Variants in SPTA1 observed in about 807,000 individuals in gnomAD.
The protein encoded by SPTA1 is spectrin alpha, erythrocytic 1, also known as spectrin alpha chain, erythrocytic 1.
In SPTA1, 177 loss-of-function variants were observed where a neutral mutation model predicts 324.7. The observed-to-expected ratio is 0.55, with a 90% CI of 0.48 to 0.62. The LOEUF is 0.62. Ranked by LOEUF, SPTA1 falls within the 20% of genes least tolerant of loss-of-function variation. The pLI, the probability that SPTA1 is intolerant of heterozygous loss-of-function variation, is 0.00. For synonymous variants in SPTA1, 1,195 were observed against 1,041.3 expected, an observed-to-expected ratio of 1.15 and a Z score of -2.84; for missense variants, 3,162 against 2,883.6, an observed-to-expected ratio of 1.10 and a Z score of -2.21.
chr1:158,661,705 A>G (rs1653231415), intron 17 of SPTA1, among the ~76,000 whole-genome samples: 1 of 152,204 alleles, frequency 6.6e-6, no homozygotes, highest in African/African-American at 2.4e-5. Flanking sequence ...CAAATGTCCA[A>G]TATTAGGCAC....
chr1:158,624,636 A>G (rs1163681936), intron 42 of SPTA1, among the ~76,000 whole-genome samples: 1 of 152,222 alleles, frequency 6.6e-6, no homozygotes, highest in Non-Finnish European at 1.5e-5. Context: ...ATGGAGCTAA[A>G]GAGACATAAC....
At chr1:158,612,796 G>C (rs778838797) in intron 51 of SPTA1, 21 bp downstream of exon 51, 1 of 1,613,472 alleles carries the variant, frequency 6.2e-7, no homozygotes, top group Non-Finnish European at 8.5e-7. Flanking sequence ...AGTGTAGTAG[G>C]GGAAGCAACC....
chr1:158,659,595 A>ATTTTTTTTT (rs1177353050), intron 18 of SPTA1, among the ~76,000 whole-genome samples: 1,063 of 68,728 alleles, frequency 0.015, 269 homozygotes, highest in Non-Finnish European at 0.024. Flanking sequence ...TCTTAGCATT[A>ATTTTTTTTT]TTTTTTTTTT....
intron 29 of SPTA1, 39 bp downstream of exon 29, chr1:158,645,149 A>G (rs374356734): frequency 2.5e-6 from 4 of 1,607,984 alleles, no homozygotes; most frequent in Non-Finnish European, 3.4e-6. Context: ...GGAGAAACAG[A>G]CTACTGAACC....
chr1:158,617,133 C>G (rs974763268), intron 47 of SPTA1, among the ~76,000 whole-genome samples: 2 of 151,858 alleles, frequency 1.3e-5, no homozygotes, highest in African/African-American at 4.8e-5. Context: ...CATCTTACTA[C>G]GTCATATAAT....
At chr1:158,647,464 A>AC in intron 27 of SPTA1, 75 bp downstream of exon 27, 2 of 1,582,326 alleles carry the variant, frequency 1.3e-6, no homozygotes, top group South Asian at 2.2e-5. Flanking sequence ...CCAGCAGTGA[A>AC]CAGCATCTGT....
intron 33 of SPTA1, among the ~76,000 whole-genome samples, chr1:158,640,732 C>G (rs1033693851): frequency 1.3e-5 from 2 of 152,054 alleles, no homozygotes; most frequent in African/African-American, 4.8e-5. Flanking sequence ...GGCCATACTG[C>G]CCAAGGTAAT....
Position 158,638,140 on chromosome 1 carries a change from A to T in SPTA1, c.5082T>A (p.Arg1694=). The T allele has an allele frequency of 6.2e-7, 1 of 1,614,026 alleles. No individual in the cohort carries two copies. Among genetic ancestry groups the T allele is most frequent in the Non-Finnish European group, 8.5e-7 (1 of 1,179,974 alleles). ...IVKKKDNVNK[R]FLNVQELAAA... ...CTGCCAATTCTTGGACATTCAGGAAACGCTTGTTGACATTATCTTTTTTCT... is the reference window on the plus strand; with the variant it reads ...CTGCCAATTCTTGGACATTCAGGAATCGCTTGTTGACATTATCTTTTTTCT... Residue 1694 remains arginine (R), a synonymous_variant, in exon 36 of 52, where the codon CGT becomes CGA. Coordinates refer to ENST00000643759, the MANE Select transcript of SPTA1 (RefSeq NM_003126.4).
Position 158,619,351 on chromosome 1 carries a change from C to A in SPTA1, c.6418-17G>T, listed in dbSNP as rs1649765245. 1 of 1,612,974 alleles carries A rather than the reference C, an allele frequency of 6.2e-7. No homozygotes were observed. On this transcript the variant is annotated splice_polypyrimidine_tract_variant and intron_variant, in intron 44 of 51. Transcript: ENST00000643759. ...CTCCCGTTCCTAAAACCCCAAATCA[C>A]AGACAACGTGACTGACATCGAAGGC...
chr1:158,630,304 T>C (rs972305569), intron 39 of SPTA1, among the ~76,000 whole-genome samples: 2 of 151,918 alleles, frequency 1.3e-5, no homozygotes, highest in African/African-American at 4.8e-5. Context: ...CAGACATAGA[T>C]GAATGAAACA....
chr1:158,636,158 G>A, intron 37 of SPTA1, 124 bp from the exon 38 acceptor site: 1 of 1,527,096 alleles, frequency 6.5e-7, no homozygotes, highest in Non-Finnish European at 9.0e-7. Flanking sequence ...ACGGGACTTT[G>A]TGAGGGTCCT....
At chr1:158,650,852 A>G (rs1335383674) in intron 24 of SPTA1, among the ~76,000 whole-genome samples, 1 of 152,214 alleles carries the variant, frequency 6.6e-6, no homozygotes, top group East Asian at 1.9e-4. Flanking sequence ...GGTACAGAAG[A>G]TTAAGAGGAG....
rs776791339 is a variant in SPTA1, at chr1:158,685,263, T to A, written c.109A>T (p.Ser37Cys). 26 of 1,613,706 alleles carry A rather than the reference T, an allele frequency of 1.6e-5. No individual in the cohort carries two copies. Among genetic ancestry groups the A allele is most frequent in the Non-Finnish European group, 2.1e-5 (25 of 1,179,820 alleles). ...RRQEVLTRYQ[S>C]FKERVAERGQ... Reference sequence around the variant, plus strand: ...CTCTCAGCGACCCGCTCCTTGAAACTTTGATACCGAGTCAACACTTCCTGA... The same window carrying A: ...CTCTCAGCGACCCGCTCCTTGAAACATTGATACCGAGTCAACACTTCCTGA... Residue 37 changes from serine to cysteine, a missense_variant, in exon 2 of 52, where the codon AGT becomes TGT. Physicochemically the swap from Ser to Cys is moderately radical, Grantham distance 112 (BLOSUM62 -1). Transcript: ENST00000643759.
At chr1:158,679,564 TCTC>T (rs1375021987) in intron 5 of SPTA1, among the ~76,000 whole-genome samples, 1 of 152,028 alleles carries the variant, frequency 6.6e-6, no homozygotes, top group Admixed American at 6.6e-5. Flanking sequence ...CACCCAGAGA[TCTC>T]CTCAATCCTC....
intron 16 of SPTA1, 83 bp from the exon 17 acceptor site, chr1:158,663,028 C>G: frequency 1.3e-6 from 2 of 1,589,962 alleles, no homozygotes; most frequent in Admixed American, 3.3e-5. Context: ...GAAACGGGGT[C>G]ATGGGAAAAT....
At chr1:158,624,988 A>T (rs1002165355) in intron 42 of SPTA1, among the ~76,000 whole-genome samples, 1 of 152,246 alleles carries the variant, frequency 6.6e-6, no homozygotes, top group Non-Finnish European at 1.5e-5. Flanking sequence ...CTGACCAAAA[A>T]GTAGGGGTTG....
intron 12 of SPTA1, 50 bp from the exon 13 acceptor site, chr1:158,669,836 G>A: frequency 1.9e-6 from 3 of 1,552,032 alleles, no homozygotes; most frequent in Non-Finnish European, 1.8e-6. Context: ...TGACCACTGA[G>A]TAAGTGGCCA....
intron 15 of SPTA1, 135 bp from the exon 16 acceptor site, chr1:158,666,632 G>A (rs1571494416): frequency 2.4e-6 from 2 of 816,890 alleles, no homozygotes; most frequent in East Asian, 2.7e-5. Flanking sequence ...TGTCTCACAT[G>A]TCTCACAAAA....
Position 158,661,429 on chromosome 1 carries a change from CAA to C in SPTA1, c.2465-22_2465-21del, listed in dbSNP as rs1353120753. 5 of 1,613,624 alleles carry C rather than the reference CAA, an allele frequency of 3.1e-6. No individual in the cohort carries two copies. In the African/African-American group the frequency reaches 5.3e-5, roughly 17 times the overall value. ...CCTTTCCTGCAGAGGAAAGGAATTT[CAA>C]AGTTTCGGATTATCCTGGTGTATGG... On this transcript the variant is annotated intron_variant, in intron 17 of 51. Coordinates refer to ENST00000643759, the MANE Select transcript of SPTA1 (RefSeq NM_003126.4).
Sources: gnomAD v4.1 joint callset for allele counts (sites outside exome capture counted in the v4.1 genomes callset) on GRCh38, gnomAD v4.1.1 for gene constraint, MANE v1.5 for transcripts, NCBI Gene and HGNC (gene_info 2026-07-23, HGNC 2026-07-21) for gene names.